Variants in NELFA observed in about 807,000 individuals in gnomAD.
NELFA encodes the protein negative elongation factor complex member A.
In NELFA, 35 loss-of-function variants were observed where a neutral mutation model predicts 51.8. That is an observed-to-expected ratio of 0.68 (90% CI 0.52 to 0.90). The LOEUF is 0.90. Ranked by LOEUF, NELFA falls within the 40% of genes least tolerant of loss-of-function variation. The probability of loss-of-function intolerance (pLI) is 0.00; values close to 1 mark genes in which losing one functional copy is unlikely to be tolerated. For synonymous variants in NELFA, 417 were observed against 338.4 expected (o/e 1.23, Z -2.55); for missense variants, 658 against 746.4 (o/e 0.88, Z 1.38).
rs1298562926 is a variant in NELFA at position 1,989,035 on chromosome 4, T to A, written c.544+673A>T. On this transcript the variant is annotated intron_variant, in intron 3 of 10. Coordinates refer to ENST00000382882, the MANE Select transcript of NELFA (RefSeq NM_005663.5). The surrounding 1 kb of genome is among the most constrained non-coding windows in gnomAD (Gnocchi z 4.8). Reference sequence around the variant, plus strand: ...ATCTTGGCTCACTGCAACCTCCGCCTCCCAGGTTCAAGTGATTCTCTTGCC... The same window carrying A: ...ATCTTGGCTCACTGCAACCTCCGCCACCCAGGTTCAAGTGATTCTCTTGCC... Among the ~76,000 whole-genome samples, 1 of 149,412 alleles carries A rather than the reference T, an allele frequency of 6.7e-6. No individual in the cohort carries two copies. Among genetic ancestry groups the A allele is most frequent in the Non-Finnish European group, 1.5e-5 (1 of 67,610 alleles).
At chr4:1,988,976 G>A (rs554486377) in intron 3 of NELFA, among the ~76,000 whole-genome samples, 43 of 130,762 alleles carry the variant, frequency 3.3e-4, no homozygotes, top group African/African-American at 1.2e-3. Context: ...ATGTTGTTTC[G>A]CTCTTGTTGC....
intron 1 of NELFA, among the ~76,000 whole-genome samples, chr4:1,994,749 G>T (rs1236967256): frequency 6.6e-6 from 1 of 151,714 alleles, no homozygotes; most frequent in African/African-American, 2.4e-5. Flanking sequence ...CAGCTACTTG[G>T]GAGGCTGAGG....
intron 1 of NELFA, among the ~76,000 whole-genome samples, chr4:2,005,091 A>G (rs1728674926): frequency 6.6e-6 from 1 of 152,058 alleles, no homozygotes; most frequent in Admixed American, 6.6e-5. Flanking sequence ...TACAGGTGTG[A>G]GCTACTGCAC....
At chr4:2,006,316 C>A (rs1184157063) in intron 1 of NELFA, among the ~76,000 whole-genome samples, 2 of 152,208 alleles carry the variant, frequency 1.3e-5, no homozygotes, top group East Asian at 1.9e-4. Context: ...TCCACGCAGA[C>A]TGAAGATTCA....
chr4:1,995,058 T>C lies in NELFA; in HGVS notation c.211-3343A>G, dbSNP rs568776372. Among the ~76,000 whole-genome samples, 16 of 152,290 alleles carry C rather than the reference T, an allele frequency of 1.1e-4. 1 individual carries two copies. The highest frequency in any genetic ancestry group is 9.2e-4 in the Admixed American group (14 of 15,300). ...AGGATGTTTCTACATAAGACTAACA[T>C]CTGAATTGTACTGAGTGAGGCGAGG... is the stretch of plus-strand genomic sequence containing the variant. On this transcript the variant is annotated intron_variant, in intron 1 of 10. Coordinates refer to ENST00000382882, the MANE Select transcript of NELFA (RefSeq NM_005663.5).
intron 8 of NELFA, 63 bp downstream of exon 8, chr4:1,984,745 G>T: frequency 8.1e-6 from 10 of 1,236,744 alleles, no homozygotes; most frequent in Non-Finnish European, 1.0e-5. Flanking sequence ...GGCAGCGCCC[G>T]TGGGCAAGGT....
At chr4:1,983,726 G>T (rs751033621) in intron 9 of NELFA, 31 bp from the exon 10 acceptor site, 5 of 1,610,806 alleles carry the variant, frequency 3.1e-6, no homozygotes, top group Non-Finnish European at 4.2e-6. Context: ...TGGGTGCCAG[G>T]GCCCCGCCAG....
intron 2 of NELFA, chr4:1,990,508 G>A: frequency 2.2e-6 from 1 of 456,686 alleles, no homozygotes; most frequent in Non-Finnish European, 4.4e-6. Flanking sequence ...CGGGTGGGGT[G>A]GGGTGGACCT....
In NELFA at chr4:2,008,972, C is replaced by A; in HGVS notation, c.-13G>T. On this transcript the variant is annotated 5_prime_UTR_variant, in exon 1 of 11. Coordinates refer to ENST00000382882, the MANE Select transcript of NELFA (RefSeq NM_005663.5). ...GCATGGACGCCATCTTGGGGGAAAG[C>A]GCGCGCCGCTGCCCCGGCATCTTAT... 1 of 1,552,102 alleles carries A rather than the reference C, an allele frequency of 6.4e-7. No individual in the cohort carries two copies. The highest frequency in any genetic ancestry group is 2.4e-5 in the East Asian group (1 of 41,134).
intron 1 of NELFA, chr4:1,991,931 C>T (rs1195709288): frequency 2.0e-6 from 1 of 499,146 alleles, no homozygotes. Context: ...GTTGCAAGGC[C>T]CCGGCATCCG....
In NELFA at chr4:1,983,186, A is replaced by T; in HGVS notation, c.*133T>A. 1.2e-6 allele frequency: 1 copy of T among 810,348 alleles called. No individual in the cohort carries two copies. Among genetic ancestry groups the T allele is most frequent in the Admixed American group, 3.0e-5 (1 of 33,474 alleles). 50.2% of individuals were successfully genotyped at this position (810,348 alleles called of 1,614,324 possible). Reference sequence around the variant, plus strand: ...GAGAAATGCATCCAGAACTTAAAACAGGCTGGGTCAGCAGCAGGGCGGCGG... The same window carrying T: ...GAGAAATGCATCCAGAACTTAAAACTGGCTGGGTCAGCAGCAGGGCGGCGG... On this transcript the variant is annotated 3_prime_UTR_variant, in exon 11 of 11. Coordinates refer to ENST00000382882, the MANE Select transcript of NELFA (RefSeq NM_005663.5).
In NELFA at chr4:1,986,395, G is replaced by A; in HGVS notation, c.642C>T (p.Leu214=). ...LLRKMDTTTP[L]KGIPKQAPFR... The stretch of plus-strand genomic sequence containing the variant: ...AGGGCGCCTGCTTCGGGATGCCTTT[G>A]AGTGGGGCTGGAGGACGGCAACAGT... Residue 214 remains leucine, a synonymous_variant, in exon 5 of 11, where the codon CTC becomes CTT. Coordinates refer to ENST00000382882, the MANE Select transcript of NELFA (RefSeq NM_005663.5). 1 of 1,612,452 alleles carries A rather than the reference G, an allele frequency of 6.2e-7. No homozygotes were observed. The highest frequency in any genetic ancestry group is 8.5e-7 in the Non-Finnish European group (1 of 1,179,504).
chr4:1,990,096 T>C (rs1728228835), intron 2 of NELFA: 2 of 577,238 alleles, frequency 3.5e-6, no homozygotes, highest in Non-Finnish European at 6.1e-6. Flanking sequence ...TTGAGAGGGC[T>C]GTAAACTGGA....
At chr4:1,985,984 A>T in intron 6 of NELFA, 120 bp from the exon 7 acceptor site, 1 of 1,339,988 alleles carries the variant, frequency 7.5e-7, no homozygotes, top group Non-Finnish European at 1.0e-6. Flanking sequence ...GGAGAAAAGC[A>T]GGCACCCACC....
In NELFA at chr4:1,997,540, T is replaced by C. The variant is rs539015625; in HGVS notation, c.211-5825A>G. 3.1e-4 allele frequency among the ~76,000 whole-genome samples: 47 copies of C among 152,352 alleles called. 1 individual carries two copies. In the Middle Eastern group the frequency reaches 0.02, roughly 66 times the overall value. On this transcript the variant is annotated intron_variant, in intron 1 of 10. Transcript: ENST00000382882. ...TACATGTCAATAGATATTTAAGCAT[T>C]TGATAAAATTTAAAGTTCCTTTGTG... is the stretch of plus-strand genomic sequence containing the variant.
chr4:1,993,983 T>C (rs1012183777), intron 1 of NELFA, among the ~76,000 whole-genome samples: 1 of 152,078 alleles, frequency 6.6e-6, no homozygotes, highest in Admixed American at 6.6e-5. Context: ...CCTTGTAAGG[T>C]CTGTAATTCT....
intron 2 of NELFA, chr4:1,990,189 A>G: frequency 2.4e-6 from 1 of 424,450 alleles, no homozygotes. Flanking sequence ...CTTGTAGAAC[A>G]TGAAATGTTA....
rs896795272 is a variant in NELFA at position 1,990,326 on chromosome 4, C to G, written c.383-457G>C. ...TCATCCAAACTGCCCACATCCATTT[C>G]CTCAGCCTGTGTGCTCACCCACGGT... On this transcript the variant is annotated intron_variant, in intron 2 of 10. Transcript: ENST00000382882. The G allele has an allele frequency of 8.9e-6, 4 of 449,268 alleles. No individual in the cohort carries two copies. In the Admixed American group the frequency reaches 9.5e-5, roughly 11 times the overall value. 27.8% of individuals were successfully genotyped at this position (449,268 alleles called of 1,614,324 possible).
chr4:1,993,408 T>C (rs1412739481), intron 1 of NELFA, among the ~76,000 whole-genome samples: 1 of 151,986 alleles, frequency 6.6e-6, no homozygotes, highest in Non-Finnish European at 1.5e-5. Flanking sequence ...GGGGAAACCC[T>C]GTCTCTACTA....
Sources: gnomAD v4.1 joint callset for allele counts (sites outside exome capture counted in the v4.1 genomes callset) on GRCh38, gnomAD v4.1.1 for gene constraint, Gnocchi (gnomAD v3.1) non-coding constraint, MANE v1.5 for transcripts, NCBI Gene and HGNC (gene_info 2026-07-23, HGNC 2026-07-21) for gene names.